Variants in TM2D1 observed in about 807,000 individuals in gnomAD.
TM2D1 encodes TM2 domain-containing protein 1.
A neutral mutation model predicts 28.4 loss-of-function variants in TM2D1; 15 were observed. That is an observed-to-expected ratio of 0.53 (90% confidence interval 0.35 to 0.81). The LOEUF is 0.81. Ranked by LOEUF, TM2D1 falls within the 40% of genes least tolerant of loss-of-function variation. The pLI, the probability that TM2D1 is intolerant of heterozygous loss-of-function variation, is 0.01. For synonymous variants in TM2D1, 93 were observed against 96.2 expected, an observed-to-expected ratio of 0.97 and a Z score of 0.20; for missense variants, 236 against 254.9, an observed-to-expected ratio of 0.93 and a Z score of 0.50.
intron 2 of TM2D1, among the ~76,000 whole-genome samples, chr1:61,710,465 T>TAC (rs1307482059): frequency 2.7e-5 from 2 of 73,108 alleles, no homozygotes; most frequent in African/African-American, 1.7e-4. Flanking sequence ...TATATATACA[T>TAC]ATATATATAT....
chr1:61,708,856 A>AT (rs1303995542), intron 3 of TM2D1, among the ~76,000 whole-genome samples: 11 of 150,832 alleles, frequency 7.3e-5, no homozygotes, highest in Admixed American at 7.3e-4. Flanking sequence ...AATTGCATTT[A>AT]TAAAAAAAAA....
At chr1:61,683,384 A>G (rs1487136091) in intron 6 of TM2D1, 33 bp downstream of exon 6, 2 of 718,430 alleles carry the variant, frequency 2.8e-6, no homozygotes, top group South Asian at 2.9e-5. Context: ...ATATACCACT[A>G]TAAGATATTA....
At chr1:61,722,199 T>C (rs1341486669) in intron 2 of TM2D1, among the ~76,000 whole-genome samples, 1 of 151,904 alleles carries the variant, frequency 6.6e-6, no homozygotes, top group African/African-American at 2.4e-5. Flanking sequence ...GGTGGGAGGA[T>C]CACTTGATCC....
chr1:61,699,990 T>C (rs1190683989), intron 4 of TM2D1: 1 of 739,326 alleles, frequency 1.4e-6, no homozygotes. Context: ...AGAAATAAGG[T>C]TAGCTTTGCT....
chr1:61,708,475 T>C (rs1284403662), intron 3 of TM2D1, among the ~76,000 whole-genome samples: 2 of 152,226 alleles, frequency 1.3e-5, no homozygotes, highest in African/African-American at 4.8e-5. Context: ...AGGCTAAACG[T>C]GAACTTCCGG....
At chr1:61,693,152 G>A (rs893062375) in intron 5 of TM2D1, among the ~76,000 whole-genome samples, 5 of 152,056 alleles carry the variant, frequency 3.3e-5, no homozygotes, top group South Asian at 2.1e-4. Context: ...TGGGAGGATC[G>A]CTTAAGCCCA....
Position 61,701,009 on chromosome 1 carries a change from T to G in TM2D1, c.364A>C (p.Lys122Gln). ...AAAAGAGACAATGCGACTGCCACTT[T>G]GTAGGAATAGCCATTTCTGCAAAAA... ...SCRNVNGYSY[K>Q]VAVALSLFLG... The change falls in exon 4 of 7, where the codon AAA becomes CAA. Residue 122 changes from lysine to glutamine, a missense_variant. By Grantham distance (53) the Lys-to-Gln change is moderately conservative. Coordinates refer to ENST00000606498, the MANE Select transcript of TM2D1 (RefSeq NM_032027.3). 2 of 1,611,432 alleles carry G rather than the reference T, an allele frequency of 1.2e-6. No homozygotes were observed. The highest frequency in any genetic ancestry group is 1.7e-6 in the Non-Finnish European group (2 of 1,178,824).
chr1:61,704,543 T>G (rs1644427220), intron 3 of TM2D1, among the ~76,000 whole-genome samples: 1 of 152,086 alleles, frequency 6.6e-6, no homozygotes, highest in Non-Finnish European at 1.5e-5. Flanking sequence ...GTGATTCTCC[T>G]GCCTCAGCCT....
At chr1:61,692,527 G>A (rs542005119) in intron 5 of TM2D1, among the ~76,000 whole-genome samples, 2 of 150,194 alleles carry the variant, frequency 1.3e-5, no homozygotes, top group African/African-American at 2.4e-5. Flanking sequence ...AAGAAGGAAA[G>A]AAAGAGAAAG....
Position 61,693,907 on chromosome 1 carries a change from T to G in TM2D1, c.513+790A>C, listed in dbSNP as rs74076136. ...AATTCATCTCTTTCTCTAAGAATCC[T>G]CATGAGTTAACCACAATCAGTTCTA... On this transcript the variant is annotated intron_variant, in intron 5 of 6. Transcript: ENST00000606498. Among the ~76,000 whole-genome samples, 715 of 152,338 alleles carry G rather than the reference T, an allele frequency of 4.7e-3. 2 individuals are homozygous for G. Among genetic ancestry groups the G allele is most frequent in the African/African-American group, 0.016 (673 of 41,578 alleles).
chr1:61,723,615 A>G, intron 2 of TM2D1, 98 bp downstream of exon 2: 1 of 576,752 alleles, frequency 1.7e-6, no homozygotes. Context: ...TATCATTTAG[A>G]AAAAATGCAT....
chr1:61,713,179 A>G (rs1644490770), intron 2 of TM2D1, among the ~76,000 whole-genome samples: 1 of 149,182 alleles, frequency 6.7e-6, no homozygotes, highest in Non-Finnish European at 1.5e-5. Flanking sequence ...CAAAAAAAAA[A>G]AAAAGCTGAG....
chr1:61,692,227 T>C lies in TM2D1; in HGVS notation c.513+2470A>G, dbSNP rs373101360. Among the ~76,000 whole-genome samples, 6 of 151,922 alleles carry C rather than the reference T, an allele frequency of 3.9e-5. No individual in the cohort carries two copies. In the East Asian group the frequency reaches 9.7e-4, roughly 24 times the overall value. ...GTTTAATAACAAATAGACAAACTCA[T>C]AAAAGTATTTTCAGGAAACATAGCA... On this transcript the variant is annotated intron_variant, in intron 5 of 6. Coordinates refer to ENST00000606498, the MANE Select transcript of TM2D1 (RefSeq NM_032027.3).
intron 5 of TM2D1, among the ~76,000 whole-genome samples, chr1:61,684,817 C>T (rs1035350563): frequency 6.6e-6 from 1 of 152,176 alleles, no homozygotes; most frequent in Non-Finnish European, 1.5e-5. Context: ...CTCACTCTGT[C>T]ATCCAGGCTG....
At chr1:61,717,066 T>C (rs1041901705) in intron 2 of TM2D1, among the ~76,000 whole-genome samples, 1 of 152,076 alleles carries the variant, frequency 6.6e-6, no homozygotes, top group Non-Finnish European at 1.5e-5. Context: ...AAGCCAGTTA[T>C]GGCCGGGTGC....
intron 3 of TM2D1, among the ~76,000 whole-genome samples, chr1:61,703,268 T>A (rs1644415850): frequency 6.8e-6 from 1 of 147,392 alleles, no homozygotes; most frequent in Non-Finnish European, 1.5e-5. Context: ...TATAATTATA[T>A]TTTATATATT....
intron 5 of TM2D1, among the ~76,000 whole-genome samples, chr1:61,684,581 T>C (rs1164376553): frequency 3.3e-5 from 5 of 152,180 alleles, no homozygotes; most frequent in Non-Finnish European, 4.4e-5. Flanking sequence ...TTCTACCGTA[T>C]CTGTTCCAAA....
chr1:61,702,525 C>G (rs1644409431), intron 3 of TM2D1, among the ~76,000 whole-genome samples: 1 of 150,824 alleles, frequency 6.6e-6, no homozygotes, highest in Non-Finnish European at 1.5e-5. Flanking sequence ...CACACCACCA[C>G]AGCTGGCTAA....
chr1:61,690,900 A>G (rs900920047), intron 5 of TM2D1, among the ~76,000 whole-genome samples: 2 of 152,200 alleles, frequency 1.3e-5, no homozygotes, highest in African/African-American at 4.8e-5. Flanking sequence ...TAAATGTTTC[A>G]GACATTATGC....
Sources: gnomAD v4.1 joint callset for allele counts (sites outside exome capture counted in the v4.1 genomes callset) on GRCh38, gnomAD v4.1.1 for gene constraint, MANE v1.5 for transcripts, NCBI Gene and HGNC (gene_info 2026-07-23, HGNC 2026-07-21) for gene names.